Variants in FBXO9 observed in about 807,000 individuals in gnomAD.
The protein encoded by FBXO9 is F-box only protein 9.
A neutral mutation model predicts 63.7 loss-of-function variants in FBXO9; 43 were observed. The observed-to-expected ratio is 0.67, with a 90% CI of 0.53 to 0.87. The LOEUF is 0.87. FBXO9 is among the 40% of genes least tolerant of loss of function. FBXO9 has a pLI of 0.00. For synonymous variants in FBXO9, 156 were observed against 171.7 expected (o/e 0.91, Z 0.72); for missense variants, 442 against 533.2 (o/e 0.83, Z 1.68).
Position 53,094,301 on chromosome 6 carries a change from AT to A in FBXO9, c.1053+331del, listed in dbSNP as rs1156269196. Among the ~76,000 whole-genome samples the A allele has an allele frequency of 2.6e-5, 4 of 152,032 alleles. No homozygotes were observed. In the East Asian group the frequency reaches 5.8e-4, roughly 22 times the overall value. On this transcript the variant is annotated intron_variant, in intron 11 of 12. Transcript: ENST00000323557. ...CTCTGCTCATGTCGAATCACAGGGG[AT>A]TTTTTTTCCTAAATTAGCTCATATA...
chr6:53,069,518 G>A (rs944135009), intron 1 of FBXO9, among the ~76,000 whole-genome samples: 3 of 152,152 alleles, frequency 2.0e-5, no homozygotes, highest in African/African-American at 7.2e-5. Flanking sequence ...GACCTATGAG[G>A]CAGTCTTGCA....
rs149330804 is a variant in FBXO9 at position 53,078,483 on chromosome 6, G to A, written c.308-316G>A. On this transcript the variant is annotated intron_variant, in intron 4 of 12. Coordinates refer to ENST00000323557, the MANE Select transcript of FBXO9 (RefSeq NM_033480.3). ...TAAAAAAGAGAGAAGTATTTTTGTT[G>A]GCTATAGCAATTGCATCTTCAGAGC... 2.6e-3 allele frequency among the ~76,000 whole-genome samples: 399 copies of A among 152,102 alleles called. 2 individuals carry two copies. The highest frequency in any genetic ancestry group is 6.9e-3 in the African/African-American group (286 of 41,494).
At position 53,065,661 on chromosome 6, in the gene FBXO9, A is replaced by C; in HGVS notation, c.-129A>C. The C allele has an allele frequency of 8.7e-7, 1 of 1,152,598 alleles. No individual in the cohort carries two copies. Among genetic ancestry groups the C allele is most frequent in the Non-Finnish European group, 1.1e-6 (1 of 884,184 alleles). The allele number at this position is 1,152,598 out of a possible 1,614,324, so 71.4% of individuals were successfully genotyped here. A position where few individuals can be genotyped will look rare whatever the true frequency, so the allele number is the denominator to read the frequency against. ...GCTGCCTGGTGCGCTTCTCCGACCG[A>C]GAACTCTGCTAAGCTCCGCTGCAGA... On this transcript the variant is annotated 5_prime_UTR_variant, in exon 1 of 13. Coordinates refer to ENST00000323557, the MANE Select transcript of FBXO9 (RefSeq NM_033480.3).
chr6:53,088,671 T>C (rs992679125), intron 7 of FBXO9, among the ~76,000 whole-genome samples: 1 of 151,732 alleles, frequency 6.6e-6, no homozygotes, highest in African/African-American at 2.4e-5. Context: ...CGATCTTGGC[T>C]AATTGCAACC....
Position 53,089,322 on chromosome 6 carries a change from G to A in FBXO9, c.654-3107G>A, listed in dbSNP as rs550546584. Among the ~76,000 whole-genome samples the A allele has an allele frequency of 3.4e-3, 510 of 152,040 alleles. 1 individual carries two copies. Among genetic ancestry groups the A allele is most frequent in the African/African-American group, 0.012 (492 of 41,468 alleles). ...GATCTCCTGACCTCGTGATCCGCCT[G>A]CCTCGGCCTCCCAAAGTGCTGGGAT... On this transcript the variant is annotated intron_variant, in intron 7 of 12. Transcript: ENST00000323557.
chr6:53,072,516 A>G (rs958373463), intron 2 of FBXO9, among the ~76,000 whole-genome samples: 6 of 152,192 alleles, frequency 3.9e-5, no homozygotes, highest in Admixed American at 3.9e-4. Context: ...GCAAAGAGCC[A>G]AGACTTTATT....
At chr6:53,076,921 T>C (rs1769132743) in intron 4 of FBXO9, among the ~76,000 whole-genome samples, 3 of 152,096 alleles carry the variant, frequency 2.0e-5, no homozygotes, top group Admixed American at 1.3e-4. Context: ...AAAATAGAAA[T>C]TGTTTTTCTA....
At chr6:53,095,250 A>G (rs1763173957) in intron 11 of FBXO9, among the ~76,000 whole-genome samples, 1 of 152,226 alleles carries the variant, frequency 6.6e-6, no homozygotes, top group Non-Finnish European at 1.5e-5. Flanking sequence ...TTTTTAAGCT[A>G]GTAAATAGAA....
At chr6:53,089,849 A>G (rs940888434) in intron 7 of FBXO9, among the ~76,000 whole-genome samples, 3 of 152,146 alleles carry the variant, frequency 2.0e-5, no homozygotes, top group Admixed American at 6.5e-5. Flanking sequence ...TGCTCAGAGC[A>G]CTCAAGTAAG....
At chr6:53,091,676 A>AT (rs1274575836) in intron 7 of FBXO9, 1 of 152,266 alleles carries the variant, frequency 6.6e-6, no homozygotes, top group Non-Finnish European at 1.5e-5. Context: ...CCCTGCACTA[A>AT]TTTTTTAAAC....
chr6:53,081,234 C>A, intron 6 of FBXO9, 136 bp downstream of exon 6: 1 of 854,138 alleles, frequency 1.2e-6, no homozygotes, highest in Non-Finnish European at 1.8e-6. Context: ...TTATAATTAT[C>A]ATTTGCATAT....
At chr6:53,069,840 T>C (rs993068152) in intron 1 of FBXO9, among the ~76,000 whole-genome samples, 13 of 152,152 alleles carry the variant, frequency 8.5e-5, no homozygotes, top group Admixed American at 8.5e-4. Flanking sequence ...ATATTTGATC[T>C]AAGGAATTAC....
chr6:53,093,619 C>A (rs1213097362), intron 10 of FBXO9, 58 bp downstream of exon 10: 3 of 1,280,240 alleles, frequency 2.3e-6, no homozygotes, highest in East Asian at 4.6e-5. Flanking sequence ...TGGTTCCTTG[C>A]AGGTTAAAGT....
intron 3 of FBXO9, among the ~76,000 whole-genome samples, chr6:53,075,520 A>G (rs535835398): frequency 1.2e-3 from 181 of 151,008 alleles, no homozygotes; most frequent in Middle Eastern, 3.4e-3. Flanking sequence ...TGCTGGGATT[A>G]CAGGAGTGAG....
In FBXO9 at chr6:53,099,068, A is replaced by G. The variant is rs1763287351; in HGVS notation, c.*1238A>G. 6.6e-6 allele frequency: 1 copy of G among 152,042 alleles called. No individual in the cohort carries two copies. Among genetic ancestry groups the G allele is most frequent in the African/African-American group, 2.4e-5 (1 of 41,406 alleles). The allele number at this position is 152,042 out of a possible 1,614,324, so 9.4% of individuals were successfully genotyped here. On this transcript the variant is annotated 3_prime_UTR_variant, in exon 13 of 13. Coordinates refer to ENST00000323557, the MANE Select transcript of FBXO9 (RefSeq NM_033480.3). The stretch of plus-strand genomic sequence containing the variant: ...AAGAGACACTTCATAGGTTCCCACA[A>G]TTCAGTATGGGATAGGCTTTTTAAA...
chr6:53,093,765 T>C, intron 10 of FBXO9, 120 bp from the exon 11 acceptor site: 1 of 904,504 alleles, frequency 1.1e-6, no homozygotes, highest in East Asian at 2.7e-5. Flanking sequence ...AATTGAGTTT[T>C]ACTCAATCCT....
intron 1 of FBXO9, 141 bp from the exon 2 acceptor site, chr6:53,070,916 A>G: frequency 7.2e-7 from 1 of 1,398,086 alleles, no homozygotes. Flanking sequence ...AGTGCCCCCT[A>G]CAGCCTTGCT....
chr6:53,078,747 A>G, intron 4 of FBXO9, 52 bp from the exon 5 acceptor site: 1 of 1,366,674 alleles, frequency 7.3e-7, no homozygotes, highest in South Asian at 1.2e-5. Context: ...TAATCAAAGG[A>G]AATGACAAAA....
At chr6:53,093,404 A>G (rs1763103584) in intron 9 of FBXO9, 62 bp from the exon 10 acceptor site, 1 of 1,128,386 alleles carries the variant, frequency 8.9e-7, no homozygotes, top group Admixed American at 1.9e-5. Context: ...ACTAATAGAT[A>G]AGGACATATT....
Sources: gnomAD v4.1 joint callset for allele counts (sites outside exome capture counted in the v4.1 genomes callset) on GRCh38, gnomAD v4.1.1 for gene constraint, MANE v1.5 for transcripts, NCBI Gene and HGNC (gene_info 2026-07-23, HGNC 2026-07-21) for gene names.